Variants in CEP192 observed in about 807,000 individuals in gnomAD.
CEP192 encodes the protein centrosomal protein of 192 kDa.
A neutral mutation model predicts 271.8 loss-of-function variants in CEP192; 151 were observed. The ratio of observed to expected loss-of-function variants is 0.56; its 90% CI spans 0.49 to 0.64. The LOEUF (loss-of-function observed/expected upper bound fraction) is 0.64, where lower values mean the gene tolerates loss of function less well. Among genes scored for constraint, CEP192 ranks in the 30% least tolerant of loss-of-function variants. CEP192 has a pLI of 0.00. For synonymous variants in CEP192, 995 were observed against 1,076.5 expected (o/e 0.92, Z 1.48); for missense variants, 2,910 against 3,020.5 (o/e 0.96, Z 0.86).
intron 36 of CEP192, among the ~76,000 whole-genome samples, chr18:13,097,886 C>A: frequency 6.6e-6 from 1 of 152,124 alleles, no homozygotes; most frequent in Non-Finnish European, 1.5e-5. Context: ...TTTAGCAAAG[C>A]ACATCTTGCA....
rs762016805 is a variant in CEP192 at position 13,092,395 on chromosome 18, G to A, written c.6122G>A (p.Arg2041Gln). The A allele has an allele frequency of 4.4e-6, 7 of 1,595,778 alleles. No individual in the cohort carries two copies. The highest frequency in any genetic ancestry group is 3.4e-5 in the South Asian group (3 of 88,172). The stretch of plus-strand genomic sequence containing the variant: ...ATTTCAGTATATGATCTTCCCCAAC[G>A]ACCTAATGATGTTCAGCTCTTTTAT... ...LVTEVYDLPQ[R>Q]PNDVQLFYGS... Residue 2041 changes from arginine to glutamine, a missense_variant, in exon 34 of 45, where the codon CGA becomes CAA. Coordinates refer to ENST00000506447, the MANE Select transcript of CEP192 (RefSeq NM_032142.4).
chr18:13,037,328 A>G, intron 12 of CEP192, 27 bp downstream of exon 12: 1 of 1,066,592 alleles, frequency 9.4e-7, no homozygotes. Context: ...TTTATCCAAA[A>G]TTTAAAATTT....
chr18:13,035,815 G>A (rs1333359738), intron 11 of CEP192, among the ~76,000 whole-genome samples: 1 of 152,176 alleles, frequency 6.6e-6, no homozygotes, highest in East Asian at 1.9e-4. Context: ...TTCTCCTGAT[G>A]CTCATTCCTA....
intron 21 of CEP192, among the ~76,000 whole-genome samples, chr18:13,061,465 C>T (rs566760435): frequency 3.3e-5 from 5 of 152,364 alleles, no homozygotes; most frequent in South Asian, 2.1e-4. Context: ...CCACAGTACA[C>T]GTTCTCTAGG....
At chr18:12,992,170 T>C (rs1033315125) in intron 1 of CEP192, among the ~76,000 whole-genome samples, 1 of 152,188 alleles carries the variant, frequency 6.6e-6, no homozygotes, top group East Asian at 1.9e-4. Flanking sequence ...TTCCATTTGC[T>C]CTTACTATTT....
intron 34 of CEP192, among the ~76,000 whole-genome samples, chr18:13,093,122 G>A (rs1264493164): frequency 6.6e-6 from 1 of 152,138 alleles, no homozygotes; most frequent in Non-Finnish European, 1.5e-5. Context: ...TGGGGACATT[G>A]CATTCCAGCC....
At chr18:13,097,810 T>C (rs2039479687) in intron 36 of CEP192, among the ~76,000 whole-genome samples, 1 of 151,746 alleles carries the variant, frequency 6.6e-6, no homozygotes, top group East Asian at 1.9e-4. Context: ...AGTGTTTGTG[T>C]CCCTGGGTAC....
At chr18:13,069,605 A>G (rs2037899728) in intron 26 of CEP192, 133 bp from the exon 27 acceptor site, 2 of 663,786 alleles carry the variant, frequency 3.0e-6, no homozygotes, top group South Asian at 3.6e-5. Flanking sequence ...GGACAAGTTG[A>G]GACCGTGACA....
intron 1 of CEP192, among the ~76,000 whole-genome samples, chr18:12,993,265 G>A (rs1220016993): frequency 6.6e-6 from 1 of 152,176 alleles, no homozygotes; most frequent in East Asian, 1.9e-4. Context: ...AATGAATGGA[G>A]GAAAGGTAAC....
At position 13,001,454 on chromosome 18, in the gene CEP192, T is replaced by C. The variant is rs200338892; in HGVS notation, c.165-3T>C. 54 of 1,532,022 alleles carry C rather than the reference T, an allele frequency of 3.5e-5. 1 individual carries two copies. In the East Asian group the frequency reaches 1.0e-3, roughly 29 times the overall value. 94.9% of individuals were successfully genotyped at this position (1,532,022 alleles called of 1,614,324 possible). On this transcript the variant is annotated splice_polypyrimidine_tract_variant and splice_region_variant and intron_variant, in intron 2 of 44. Coordinates refer to ENST00000506447, the MANE Select transcript of CEP192 (RefSeq NM_032142.4). ...ACAATTAAAACAAATTTTTTTTGTA[T>C]AGGTATCCTGATATCCAGGCATCTT...
At chr18:13,007,976 A>G (rs943374855) in intron 3 of CEP192, among the ~76,000 whole-genome samples, 2 of 152,182 alleles carry the variant, frequency 1.3e-5, no homozygotes, top group Non-Finnish European at 2.9e-5. Flanking sequence ...CTGTAAGAAA[A>G]ATACTTTCAT....
chr18:13,052,891 CCAGG>C, intron 17 of CEP192, 24 bp from the exon 18 acceptor site: 2 of 1,520,626 alleles, frequency 1.3e-6, no homozygotes, highest in Non-Finnish European at 1.8e-6. Flanking sequence ...CTGGAGAACT[CCAGG>C]TGTGAGCTAC....
chr18:13,024,937 T>C (rs2035207183), intron 9 of CEP192, among the ~76,000 whole-genome samples: 2 of 150,130 alleles, frequency 1.3e-5, no homozygotes. Flanking sequence ...ACCTGGCTAA[T>C]TTTTTTGTAT....
intron 30 of CEP192, among the ~76,000 whole-genome samples, chr18:13,080,061 A>G (rs909659962): frequency 6.6e-6 from 1 of 152,202 alleles, no homozygotes; most frequent in African/African-American, 2.4e-5. Flanking sequence ...GTTTGAAGTC[A>G]GGTAGCATGA....
In CEP192 at chr18:13,008,462, C is replaced by A. The variant is rs1224504175; in HGVS notation, c.297C>A (p.Ile99=). The change falls in exon 4 of 45, where the codon ATC becomes ATA. Residue 99 remains isoleucine, a synonymous_variant. Transcript: ENST00000506447. ...CTGTTTCCTAATAAAAAAGTTCTAT[C>A]TCTAGGAAAAAGAGCTATGTGGAAA... ...LQLSFQDDDS[I]SRKKSYVESQ... 4 of 1,541,594 alleles carry A rather than the reference C, an allele frequency of 2.6e-6. No homozygotes were observed. The Admixed American group carries it at 8.1e-5, about 31-fold the overall frequency.
chr18:13,068,487 T>C lies in CEP192; in HGVS notation c.4822+65T>C, dbSNP rs1205597726. On this transcript the variant is annotated intron_variant, in intron 24 of 44. Coordinates refer to ENST00000506447, the MANE Select transcript of CEP192 (RefSeq NM_032142.4). ...AGCTAGATAAACTACAAATTTGAGA[T>C]GTATTTCCTTTGTCAATAAATGTCA... The C allele has an allele frequency of 8.8e-6, 11 of 1,253,574 alleles. No homozygotes were observed. The South Asian group carries it at 1.4e-4, about 16-fold the overall frequency. The allele number at this position is 1,253,574 out of a possible 1,614,324, so 77.7% of individuals were successfully genotyped here.
chr18:13,078,599 T>G (rs1017864442), intron 30 of CEP192, among the ~76,000 whole-genome samples: 1 of 152,106 alleles, frequency 6.6e-6, no homozygotes, highest in Non-Finnish European at 1.5e-5. Flanking sequence ...CATCTGTTGT[T>G]TCCTGACTTT....
At position 13,095,673 on chromosome 18, in the gene CEP192, C is replaced by T. The variant is rs1182587973; in HGVS notation, c.6425C>T (p.Pro2142Leu). ...VLPEHLILVA[P>L]SPCDMAKTGR... ...CCCGAGCACTTGATTCTGGTAGCTC[C>T]TTCTCCTTGTGAGTATGTCAACTGT... The change falls in exon 35 of 45, where the codon CCT (proline) becomes CTT (leucine). Residue 2142 changes from proline to leucine, a missense_variant. Physicochemically the swap from Pro to Leu is moderately conservative, Grantham distance 98. Coordinates refer to ENST00000506447, the MANE Select transcript of CEP192 (RefSeq NM_032142.4). 1 of 1,612,476 alleles carries T rather than the reference C, an allele frequency of 6.2e-7. No homozygotes were observed. Among genetic ancestry groups the T allele is most frequent in the South Asian group, 1.1e-5 (1 of 90,618 alleles).
rs770533343 is a variant in CEP192, at chr18:13,105,015, C to G, written c.6983C>G (p.Ala2328Gly). 1.2e-6 allele frequency: 2 copies of G among 1,613,798 alleles called. No homozygotes were observed. The highest frequency in any genetic ancestry group is 1.7e-6 in the Non-Finnish European group (2 of 1,179,784). ...GATGAAAGTGGAGATGTTTTTAGAG[C>G]TACCTATGCAGCATTCAGATGTTCT... ...GVDESGDVFR[A>G]TYAAFRCSPI... The change falls in exon 40 of 45, where the codon GCT becomes GGT. Residue 2328 changes from alanine (A) to glycine (G), a missense_variant. Transcript: ENST00000506447.
Sources: gnomAD v4.1 joint callset for allele counts (sites outside exome capture counted in the v4.1 genomes callset) on GRCh38, gnomAD v4.1.1 for gene constraint, MANE v1.5 for transcripts, NCBI Gene and HGNC (gene_info 2026-07-23, HGNC 2026-07-21) for gene names.